The following RGS12 variants were observed in gnomAD, a reference collection of about 807,000 sequenced individuals.
RGS12 encodes the protein regulator of G-protein signaling 12.
In RGS12, 66 loss-of-function variants were observed where a neutral mutation model predicts 120.1. The ratio of observed to expected loss-of-function variants is 0.55; its 90% confidence interval spans 0.45 to 0.67. RGS12 has a LOEUF of 0.67. RGS12 is among the 30% of genes least tolerant of loss of function. The probability of loss-of-function intolerance (pLI) is 0.00; values close to 1 mark genes in which losing one functional copy is unlikely to be tolerated. For synonymous variants in RGS12, 827 were observed against 804.7 expected (o/e 1.03, Z -0.47); for missense variants, 1,859 against 1,957.7 (o/e 0.95, Z 0.95).
intron 4 of RGS12, among the ~76,000 whole-genome samples, chr4:3,396,349 C>T (rs1720049036): frequency 6.6e-6 from 1 of 152,120 alleles, no homozygotes; most frequent in African/African-American, 2.4e-5. Flanking sequence ...ATGCTTATGT[C>T]CCTTTAGAGC....
chr4:3,401,973 G>A (rs1230533079), intron 4 of RGS12, among the ~76,000 whole-genome samples: 4 of 152,206 alleles, frequency 2.6e-5, no homozygotes, highest in Non-Finnish European at 5.9e-5. Flanking sequence ...CTCCAGAGGT[G>A]GCCCCCTGAG....
chr4:3,422,816 C>A, intron 11 of RGS12, 89 bp from the exon 12 acceptor site: 2 of 1,214,952 alleles, frequency 1.6e-6, no homozygotes, highest in Non-Finnish European at 2.4e-6. Context: ...CTCTTCTGCT[C>A]TGCACAGCTG....
In RGS12 at chr4:3,422,953, C is replaced by T. The variant is rs770030402; in HGVS notation, c.3082C>T (p.Arg1028Cys). Residue 1028 changes from arginine to cysteine, a missense_variant, in exon 12 of 18, where the codon CGC (arginine) becomes TGC (cysteine). Transcript: ENST00000336727. ...DSSILESRDL[R>C]LEKRTLFRLD... The stretch of plus-strand genomic sequence containing the variant: ...TAGCATCTTGGAGTCAAGGGACCTG[C>T]GCCTAGAAAAGCGCACCTTGTTTCG... 13 of 1,613,162 alleles carry T rather than the reference C, an allele frequency of 8.1e-6. No homozygotes were observed. The highest frequency in any genetic ancestry group is 2.7e-5 in the African/African-American group (2 of 74,948).
At chr4:3,367,389 C>G (rs1389902918) in intron 3 of RGS12, among the ~76,000 whole-genome samples, 1 of 152,278 alleles carries the variant, frequency 6.6e-6, no homozygotes, top group Non-Finnish European at 1.5e-5. Flanking sequence ...TCGGGTGCTC[C>G]CGCCTTGCGG....
intron 14 of RGS12, among the ~76,000 whole-genome samples, chr4:3,427,063 C>T (rs750022880): frequency 2.0e-5 from 3 of 152,198 alleles, no homozygotes; most frequent in Non-Finnish European, 2.9e-5. Context: ...CCTGGAGCTC[C>T]AACTCTTGCT....
At chr4:3,387,985 C>G (rs752848756) in intron 4 of RGS12, among the ~76,000 whole-genome samples, 14 of 152,220 alleles carry the variant, frequency 9.2e-5, no homozygotes, top group Non-Finnish European at 1.8e-4. Context: ...TCTAGCTCCT[C>G]GCCGTGCTGG....
At chr4:3,331,614 A>T (rs1452998004) in intron 2 of RGS12, among the ~76,000 whole-genome samples, 3 of 139,058 alleles carry the variant, frequency 2.2e-5, no homozygotes, top group Admixed American at 7.1e-5. Context: ...AATAGATTGT[A>T]AAAAAAAAAA....
intron 3 of RGS12, among the ~76,000 whole-genome samples, chr4:3,375,637 GC>G (rs1307549000): frequency 1.3e-5 from 1 of 79,832 alleles, no homozygotes; most frequent in Non-Finnish European, 2.4e-5. Context: ...CTCATCTCCA[GC>G]CCTCATCTCC....
chr4:3,382,317 C>T (rs1560132262), intron 3 of RGS12, among the ~76,000 whole-genome samples: 1 of 152,206 alleles, frequency 6.6e-6, no homozygotes, highest in African/African-American at 2.4e-5. Context: ...CCCTGCCCTT[C>T]CTGATGCTGA....
chr4:3,414,098 T>A lies in RGS12; in HGVS notation c.2047T>A (p.Cys683Ser), dbSNP rs1172912944. The change falls in exon 5 of 18, where the codon TGC becomes AGC. Residue 683 changes from cysteine to serine, a missense_variant. This residue lies in a region of RGS12 where 967 missense variants were observed against 994.2 expected (regional missense o/e 0.97). Coordinates refer to ENST00000336727, the MANE Select transcript of RGS12 (RefSeq NM_001394154.1). Reference sequence around the variant, plus strand: ...GTTGACGGGCGCCGACCTGAAGGACTGCGTCAGCAACAACAGCCTGAGCAG... The same window carrying A: ...GTTGACGGGCGCCGACCTGAAGGACAGCGTCAGCAACAACAGCCTGAGCAG... The part of the protein sequence containing the change: ...GELTGADLKD[C>S]VSNNSLSSNA... 1.3e-6 allele frequency: 2 copies of A among 1,572,164 alleles called. No individual in the cohort carries two copies. The highest frequency in any genetic ancestry group is 2.7e-5 in the African/African-American group (2 of 74,450).
At chr4:3,335,420 C>T (rs991584546) in intron 2 of RGS12, among the ~76,000 whole-genome samples, 7 of 152,206 alleles carry the variant, frequency 4.6e-5, no homozygotes, top group Admixed American at 1.3e-4. Flanking sequence ...GTGCCGGTTA[C>T]TCAGCTTACT....
chr4:3,324,727 C>T (rs1028064763), intron 2 of RGS12: 1 of 152,306 alleles, frequency 6.6e-6, no homozygotes, highest in African/African-American at 2.4e-5. Flanking sequence ...GGGCCAGGGC[C>T]TCCTCCTTCC....
intron 3 of RGS12, among the ~76,000 whole-genome samples, chr4:3,362,579 GGTGTGAGGGTGT>G (rs1715728990): frequency 1.5e-5 from 2 of 136,984 alleles, no homozygotes; most frequent in African/African-American, 5.4e-5. Context: ...TTGGTGTGAG[GGTGTGAGGGTGT>G]GTGTGAGGGT....
At position 3,317,093 on chromosome 4, in the gene RGS12, A is replaced by T; in HGVS notation, c.923A>T (p.Asp308Val). 3.7e-6 allele frequency: 6 copies of T among 1,613,708 alleles called. No homozygotes were observed. Among genetic ancestry groups the T allele is most frequent in the Non-Finnish European group, 4.2e-6 (5 of 1,180,036 alleles). The change falls in exon 2 of 18, where the codon GAC becomes GTC. Residue 308 changes from aspartate to valine, a missense_variant. Physicochemically the swap from Asp to Val is radical, Grantham distance 152. Coordinates refer to ENST00000336727, the MANE Select transcript of RGS12 (RefSeq NM_001394154.1). The part of the protein sequence containing the change: ...KLAFSAVCPD[D>V]RRFFGLVTMQ... Reference sequence around the variant, plus strand: ...GCCTTCAGCGCCGTGTGCCCGGACGACCGGCGATTTTTCGGGTTGGTTACC... The same window carrying T: ...GCCTTCAGCGCCGTGTGCCCGGACGTCCGGCGATTTTTCGGGTTGGTTACC...
chr4:3,366,231 G>C lies in RGS12; in HGVS notation c.1999-20185G>C, dbSNP rs943506900. ...GGGCGGGTGCTGGGCAGACTGCAAA[G>C]GGTCAGACTGGCATATGGCGGCCAG... On this transcript the variant is annotated intron_variant, in intron 3 of 17. Coordinates refer to ENST00000336727, the MANE Select transcript of RGS12 (RefSeq NM_001394154.1). The surrounding 1 kb of genome is among the most constrained non-coding windows in gnomAD (Gnocchi z 4.0). Among the ~76,000 whole-genome samples the C allele has an allele frequency of 6.6e-6, 1 of 152,148 alleles. No individual in the cohort carries two copies. Among genetic ancestry groups the C allele is most frequent in the Non-Finnish European group, 1.5e-5 (1 of 68,010 alleles).
chr4:3,438,588 T>TG (rs1464124952), intron 17 of RGS12, among the ~76,000 whole-genome samples: 2 of 151,552 alleles, frequency 1.3e-5, no homozygotes, highest in African/African-American at 4.9e-5. Flanking sequence ...CGTTGGCCCC[T>TG]GGGGACTCCA....
intron 10 of RGS12, among the ~76,000 whole-genome samples, 167 bp downstream of exon 10, chr4:3,420,885 G>A (rs1401821428): frequency 6.6e-6 from 1 of 152,250 alleles, no homozygotes; most frequent in Non-Finnish European, 1.5e-5. Flanking sequence ...CAAAGTGCAG[G>A]GTGGCCCAGT....
chr4:3,423,687 T>G (rs1418214776), intron 13 of RGS12, 46 bp downstream of exon 13: 1 of 1,577,668 alleles, frequency 6.3e-7, no homozygotes, highest in African/African-American at 1.3e-5. Context: ...AGGCACTGTC[T>G]GTTCCCTTTG....
chr4:3,422,321 C>T lies in RGS12; in HGVS notation c.2839-55C>T, dbSNP rs1723102591. ...CCAGCTGGGCTGCTCTGGGAGGTGCCCCGCACCCCTGTGACGCTGGTTCCC... is the reference window on the plus strand; with the variant it reads ...CCAGCTGGGCTGCTCTGGGAGGTGCTCCGCACCCCTGTGACGCTGGTTCCC... On this transcript the variant is annotated intron_variant, in intron 10 of 17. Transcript: ENST00000336727. 5.9e-6 allele frequency: 9 copies of T among 1,530,250 alleles called. No homozygotes were observed. The Middle Eastern group carries it at 5.1e-4, about 88-fold the overall frequency. 94.8% of individuals were successfully genotyped at this position (1,530,250 alleles called of 1,614,324 possible).
Sources: gnomAD v4.1 joint callset for allele counts (sites outside exome capture counted in the v4.1 genomes callset) on GRCh38, gnomAD v4.1.1 for gene constraint, gnomAD v4.1.1 regional missense constraint, Gnocchi (gnomAD v3.1) non-coding constraint, MANE v1.5 for transcripts, NCBI Gene and HGNC (gene_info 2026-07-23, HGNC 2026-07-21) for gene names.